The following ZNF600 variants were observed in gnomAD, a reference collection of about 807,000 sequenced individuals.
ZNF600 encodes the protein zinc finger protein 600.
Under a neutral mutation model 7.3 loss-of-function variants are expected in ZNF600, and 4 were observed. The observed-to-expected ratio is 0.55, with a 90% CI of 0.27 to 1.25. The LOEUF (loss-of-function observed/expected upper bound fraction) is 1.25, where lower values mean the gene tolerates loss of function less well. Among genes scored for constraint, ZNF600 ranks in the 50% most tolerant of loss-of-function variants. The pLI is 0.12. For missense variants in ZNF600, 911 were observed against 922.1 expected (o/e 0.99, Z 0.16); for synonymous variants, 290 against 308.9 (o/e 0.94, Z 0.64).
the ZNF600 span, among the ~76,000 whole-genome samples, chr19:52,832,736 C>T: frequency 1.3e-5 from 2 of 152,112 alleles, no homozygotes; most frequent in African/African-American, 4.8e-5. Context: ...CATTGTACTC[C>T]AGAACTAAGC....
At chr19:52,811,443 C>T in the ZNF600 span, among the ~76,000 whole-genome samples, 17 of 139,612 alleles carry the variant, frequency 1.2e-4, no homozygotes, top group Middle Eastern at 8.4e-3. Context: ...ATCTAGGAAG[C>T]GAGGAGCGCC....
At chr19:52,800,701 G>A in the ZNF600 span, 12 of 1,613,288 alleles carry the variant, frequency 7.4e-6, no homozygotes, top group African/African-American at 1.3e-4. Context: ...CATTCATAAG[G>A]TTTCTCTCCA....
chr19:52,771,195 T>C (rs2062627578), intron 3 of ZNF600, among the ~76,000 whole-genome samples: 1 of 152,114 alleles, frequency 6.6e-6, no homozygotes, highest in Non-Finnish European at 1.5e-5. Context: ...CTTTCCCCCA[T>C]GTCAGGACAC....
chr19:52,821,279 C>G, the ZNF600 span, among the ~76,000 whole-genome samples: 1 of 152,086 alleles, frequency 6.6e-6, no homozygotes, highest in East Asian at 1.9e-4. Context: ...GGGAATACAC[C>G]TCTAGGGTGA....
the ZNF600 span, among the ~76,000 whole-genome samples, chr19:52,797,198 A>C: frequency 1.3e-5 from 2 of 152,212 alleles, no homozygotes; most frequent in Non-Finnish European, 2.9e-5. Flanking sequence ...TGGAAATCCT[A>C]CCAAAAATAG....
At chr19:52,767,037 T>C (rs1275105368) in exon 4 of ZNF600, 1 of 1,614,166 alleles carries the variant, frequency 6.2e-7, no homozygotes, top group South Asian at 1.1e-5. Context: ...TACTGCAGTG[T>C]GAAGTCTACG....
At chr19:52,833,315 G>C in the ZNF600 span, among the ~76,000 whole-genome samples, 1 of 152,162 alleles carries the variant, frequency 6.6e-6, no homozygotes, top group Non-Finnish European at 1.5e-5. Context: ...CCATGTCTAG[G>C]TGTGAGGCCT....
the ZNF600 span, among the ~76,000 whole-genome samples, chr19:52,826,083 C>T: frequency 7.9e-5 from 12 of 152,144 alleles, no homozygotes; most frequent in South Asian, 4.1e-4. Context: ...CCCATTGAGC[C>T]AAGGGAACTG....
At chr19:52,795,728 A>C in the ZNF600 span, among the ~76,000 whole-genome samples, 2 of 152,044 alleles carry the variant, frequency 1.3e-5, no homozygotes, top group Non-Finnish European at 2.9e-5. Context: ...CACCAAACCA[A>C]GCTAATTTCT....
the ZNF600 span, chr19:52,810,049 C>T: frequency 1.4e-6 from 1 of 739,612 alleles, no homozygotes; most frequent in Admixed American, 2.0e-5. Context: ...CAGCCCCGCG[C>T]CCCATGCCTG....
At chr19:52,810,780 C>T in the ZNF600 span, 1 of 387,020 alleles carries the variant, frequency 2.6e-6, no homozygotes, top group Non-Finnish European at 4.2e-6. Flanking sequence ...AAAAAAAACC[C>T]AAAAAAAACA....
the ZNF600 span, among the ~76,000 whole-genome samples, chr19:52,828,259 C>T: frequency 6.6e-6 from 1 of 151,928 alleles, no homozygotes; most frequent in African/African-American, 2.4e-5. Context: ...ACCATGTAGG[C>T]CAGGCTGGTC....
chr19:52,774,715 C>T lies in ZNF600; in HGVS notation c.64-14G>A, dbSNP rs1367336617. The T allele has an allele frequency of 2.9e-5, 29 of 985,274 alleles. No individual in the cohort carries two copies. The highest frequency in any genetic ancestry group is 5.2e-4 in the Middle Eastern group (1 of 1,936). The allele number at this position is 985,274 out of a possible 1,614,324, so 61.0% of individuals were successfully genotyped here. A position where few individuals can be genotyped will look rare whatever the true frequency, so the allele number is the denominator to read the frequency against. ...AGTCAAGCGTCCCTAAAATGAAACACACATTTCCACAAAACATTATGGAGG... is the reference window on the plus strand; with the variant it reads ...AGTCAAGCGTCCCTAAAATGAAACATACATTTCCACAAAACATTATGGAGG... On this transcript the variant is annotated splice_polypyrimidine_tract_variant and intron_variant, in intron 2 of 3. Transcript: ENST00000648973.
chr19:52,820,273 G>A, the ZNF600 span, among the ~76,000 whole-genome samples: 82 of 136,646 alleles, frequency 6.0e-4, 10 homozygotes, highest in Middle Eastern at 7.3e-3. Flanking sequence ...GCCCGCCACC[G>A]CGCCCGGCTA....
the ZNF600 span, among the ~76,000 whole-genome samples, chr19:52,825,747 A>G: frequency 6.6e-6 from 1 of 152,100 alleles, no homozygotes; most frequent in Non-Finnish European, 1.5e-5. Context: ...GCACTTCGGG[A>G]GGCTGAGGGG....
At chr19:52,829,018 G>A in the ZNF600 span, among the ~76,000 whole-genome samples, 1 of 151,922 alleles carries the variant, frequency 6.6e-6, no homozygotes. Context: ...CTGCCACCAC[G>A]CCTGGCTAAT....
chr19:52,809,844 G>A, the ZNF600 span: 5 of 575,224 alleles, frequency 8.7e-6, no homozygotes, highest in Admixed American at 3.5e-5. Context: ...CGGCGGTGGC[G>A]GTGGTGGCAG....
At chr19:52,792,361 C>G in the ZNF600 span, among the ~76,000 whole-genome samples, 1 of 152,100 alleles carries the variant, frequency 6.6e-6, no homozygotes, top group Non-Finnish European at 1.5e-5. Flanking sequence ...CCCTTCTATT[C>G]AAAGTCACCC....
chr19:52,810,140 C>T, the ZNF600 span: 12 of 893,800 alleles, frequency 1.3e-5, no homozygotes, highest in Non-Finnish European at 2.1e-5. Context: ...TCGAGGGTGA[C>T]CCGGGGCTGG....
Sources: gnomAD v4.1 joint callset for allele counts (sites outside exome capture counted in the v4.1 genomes callset) on GRCh38, gnomAD v4.1.1 for gene constraint, MANE v1.5 for transcripts, NCBI Gene and HGNC (gene_info 2026-07-23, HGNC 2026-07-21) for gene names.